The following NAV2 variants were observed in gnomAD, a reference collection of about 807,000 sequenced individuals.
NAV2 encodes neuron navigator 2.
A neutral mutation model predicts 223.2 loss-of-function variants in NAV2; 54 were observed. The observed-to-expected ratio is 0.24, with a 90% confidence interval of 0.19 to 0.30. NAV2 has a LOEUF of 0.30. Among genes scored for constraint, NAV2 ranks in the 10% least tolerant of loss-of-function variants. NAV2 has a pLI of 1.00. For synonymous variants in NAV2, 1,279 were observed against 1,239.3 expected (o/e 1.03, Z -0.67); for missense variants, 2,806 against 3,147.5 (o/e 0.89, Z 2.60).
intron 1 of NAV2, among the ~76,000 whole-genome samples, chr11:19,448,109 AT>A (rs900774963): frequency 2.0e-5 from 3 of 152,154 alleles, no homozygotes; most frequent in African/African-American, 4.8e-5. Flanking sequence ...ACAGACTATA[AT>A]AATTAGGGAG....
At chr11:19,988,127 A>T (rs187380867) in intron 11 of NAV2, among the ~76,000 whole-genome samples, 2 of 152,320 alleles carry the variant, frequency 1.3e-5, no homozygotes, top group East Asian at 3.9e-4. Flanking sequence ...GCTCTGGGAA[A>T]GTTCTAAATC....
At chr11:20,083,214 GC>G (rs1271282218) in intron 26 of NAV2, 35 bp downstream of exon 26, 1 of 1,577,326 alleles carries the variant, frequency 6.3e-7, no homozygotes, top group Non-Finnish European at 8.6e-7. Context: ...AACATCTTTG[GC>G]CCCTGAGAAC....
chr11:19,473,746 C>T (rs559842324), intron 1 of NAV2, among the ~76,000 whole-genome samples: 1 of 152,104 alleles, frequency 6.6e-6, no homozygotes, highest in African/African-American at 2.4e-5. Context: ...GCCTATCCCC[C>T]AGCTGCTGAG....
At chr11:19,568,828 A>C (rs2045345441) in intron 1 of NAV2, among the ~76,000 whole-genome samples, 1 of 152,182 alleles carries the variant, frequency 6.6e-6, no homozygotes, top group African/African-American at 2.4e-5. Context: ...AGGTCTCTCT[A>C]ATTCTAATCT....
At chr11:19,621,141 T>C (rs1005545760) in intron 1 of NAV2, among the ~76,000 whole-genome samples, 1 of 152,246 alleles carries the variant, frequency 6.6e-6, no homozygotes, top group Non-Finnish European at 1.5e-5. Context: ...AGCTTTTCGA[T>C]GTGCTGCTGG....
At chr11:19,570,692 A>C (rs188619981) in intron 1 of NAV2, among the ~76,000 whole-genome samples, 62 of 152,336 alleles carry the variant, frequency 4.1e-4, no homozygotes, top group African/African-American at 1.4e-3. Flanking sequence ...AGATGCTAAC[A>C]TCATTAGTCA....
chr11:20,059,566 C>T (rs2058574544), intron 19 of NAV2, among the ~76,000 whole-genome samples: 1 of 152,112 alleles, frequency 6.6e-6, no homozygotes, highest in Non-Finnish European at 1.5e-5. Flanking sequence ...CTAAAAGACA[C>T]CAAAAGGCTC....
At chr11:19,496,873 G>T (rs1159699428) in intron 1 of NAV2, among the ~76,000 whole-genome samples, 1 of 152,182 alleles carries the variant, frequency 6.6e-6, no homozygotes, top group African/African-American at 2.4e-5. Flanking sequence ...CAGTTTTCTT[G>T]ACTATTTTTG....
At chr11:20,048,331 C>G (rs1397908732) in intron 14 of NAV2, among the ~76,000 whole-genome samples, 1 of 152,150 alleles carries the variant, frequency 6.6e-6, no homozygotes, top group African/African-American at 2.4e-5. Flanking sequence ...TGCTTTATGC[C>G]TGGGGCCGCA....
chr11:19,947,737 G>C (rs1325364043), intron 9 of NAV2, among the ~76,000 whole-genome samples: 1 of 152,198 alleles, frequency 6.6e-6, no homozygotes, highest in Non-Finnish European at 1.5e-5. Flanking sequence ...GCTCATCCTT[G>C]GGCAGATTCT....
At chr11:19,986,167 C>A (rs1565705317) in intron 11 of NAV2, among the ~76,000 whole-genome samples, 1 of 152,142 alleles carries the variant, frequency 6.6e-6, no homozygotes, top group Non-Finnish European at 1.5e-5. Flanking sequence ...CACAGTTGAG[C>A]TTGTTTCCTG....
chr11:19,774,870 T>TC (rs2056025025), intron 1 of NAV2, among the ~76,000 whole-genome samples: 2 of 152,188 alleles, frequency 1.3e-5, no homozygotes, highest in Admixed American at 1.3e-4. Flanking sequence ...TGGTATTTTT[T>TC]CACCTTTTTC....
intron 16 of NAV2, among the ~76,000 whole-genome samples, 161 bp from the exon 17 acceptor site, chr11:20,051,128 C>T (rs2057962488): frequency 2.0e-5 from 3 of 152,204 alleles, no homozygotes; most frequent in African/African-American, 7.2e-5. Flanking sequence ...TTGTTTTCCA[C>T]GGATGTGGAT....
rs772947642 is a variant in NAV2 at position 19,933,562 on chromosome 11, G to A, written c.1318G>A (p.Glu440Lys). ...GACTCTGCCCAGCTTCGAAGAGAGC[G>A]AGGAGCTGGAGGCCGCCAGTCGCAT... Reference protein sequence around the residue: ...LETLPSFEESEELEAASRMLT... With the variant: ...LETLPSFEESKELEAASRMLT... Residue 440 changes from glutamate to lysine, a missense_variant, in exon 7 of 38, where the codon GAG becomes AAG. Physicochemically the swap from Glu to Lys is moderately conservative, Grantham distance 56. This residue lies in a region of NAV2 where 1,167 missense variants were observed against 1,180.5 expected (regional missense o/e 0.99). Transcript: ENST00000349880. The surrounding 1 kb of genome is among the most constrained non-coding windows in gnomAD (Gnocchi z 4.3). 6.8e-6 allele frequency: 11 copies of A among 1,610,322 alleles called. 1 individual carries two copies. The highest frequency in any genetic ancestry group is 6.6e-5 in the South Asian group (6 of 90,838).
chr11:19,472,545 G>T (rs1209775506), intron 1 of NAV2, among the ~76,000 whole-genome samples: 1 of 152,062 alleles, frequency 6.6e-6, no homozygotes, highest in Non-Finnish European at 1.5e-5. Flanking sequence ...GTAGCCTCAC[G>T]CTGTCAGGCT....
intron 6 of NAV2, among the ~76,000 whole-genome samples, chr11:19,897,150 G>A (rs1054792408): frequency 4.6e-4 from 70 of 151,638 alleles, no homozygotes; most frequent in Non-Finnish European, 3.7e-4. Flanking sequence ...ACCAAACACC[G>A]CATGTTCTCA....
At chr11:19,775,256 C>T (rs2056069724) in intron 1 of NAV2, among the ~76,000 whole-genome samples, 1 of 152,146 alleles carries the variant, frequency 6.6e-6, no homozygotes, top group Non-Finnish European at 1.5e-5. Context: ...GATATGTTGT[C>T]CTAGCCTGTG....
At chr11:19,991,183 C>T (rs1458628673) in intron 11 of NAV2, among the ~76,000 whole-genome samples, 1 of 152,188 alleles carries the variant, frequency 6.6e-6, no homozygotes, top group Non-Finnish European at 1.5e-5. Context: ...GGCTGGAGTG[C>T]AATGGCATGA....
intron 1 of NAV2, among the ~76,000 whole-genome samples, chr11:19,812,598 G>A (rs75055238): frequency 0.02 from 3,108 of 152,116 alleles, 111 homozygotes; most frequent in African/African-American, 0.071. Context: ...TGAGTCATAT[G>A]AAGGAAAGAC....
Sources: gnomAD v4.1 joint callset for allele counts (sites outside exome capture counted in the v4.1 genomes callset) on GRCh38, gnomAD v4.1.1 for gene constraint, gnomAD v4.1.1 regional missense constraint, Gnocchi (gnomAD v3.1) non-coding constraint, MANE v1.5 for transcripts, NCBI Gene and HGNC (gene_info 2026-07-23, HGNC 2026-07-21) for gene names.